EXOC6B: variants seen among roughly 807,000 people sequenced by gnomAD.
EXOC6B encodes exocyst complex component 6B, also known as SEC15 homolog B.
A neutral mutation model predicts 113.5 loss-of-function variants in EXOC6B; 54 were observed. That is an observed-to-expected ratio of 0.48 (90% CI 0.38 to 0.60). The LOEUF (loss-of-function observed/expected upper bound fraction) is 0.60, where lower values mean the gene tolerates loss of function less well. Ranked by LOEUF, EXOC6B falls within the 20% of genes least tolerant of loss-of-function variation. The probability of loss-of-function intolerance (pLI) is 0.00; values close to 1 mark genes in which losing one functional copy is unlikely to be tolerated. For synonymous variants in EXOC6B, 357 were observed against 339.0 expected (o/e 1.05, Z -0.58); for missense variants, 797 against 977.5 (o/e 0.82, Z 2.46).
intron 20 of EXOC6B, among the ~76,000 whole-genome samples, chr2:72,229,414 T>C (rs72835275): frequency 0.07 from 10,720 of 152,240 alleles, 494 homozygotes; most frequent in Non-Finnish European, 0.1. Flanking sequence ...AGCAGGGTCA[T>C]GTTACCATTT....
chr2:72,627,570 T>A (rs1672136517), intron 6 of EXOC6B, among the ~76,000 whole-genome samples: 3 of 152,194 alleles, frequency 2.0e-5, no homozygotes, highest in Admixed American at 2.0e-4. Flanking sequence ...ATAAAGTTAA[T>A]AATAAAAGTT....
intron 1 of EXOC6B, among the ~76,000 whole-genome samples, chr2:72,781,233 G>T (rs1279695647): frequency 1.3e-5 from 2 of 152,032 alleles, no homozygotes; most frequent in Non-Finnish European, 2.9e-5. Flanking sequence ...TCTACACAAG[G>T]TTTTCTCCTC....
chr2:72,377,890 C>G (rs1691449725), intron 19 of EXOC6B, among the ~76,000 whole-genome samples: 1 of 151,734 alleles, frequency 6.6e-6, no homozygotes, highest in Non-Finnish European at 1.5e-5. Flanking sequence ...TATATATTAA[C>G]TAGCTCAATT....
intron 18 of EXOC6B, among the ~76,000 whole-genome samples, chr2:72,460,614 C>T (rs1334565889): frequency 1.3e-5 from 2 of 152,134 alleles, no homozygotes; most frequent in African/African-American, 2.4e-5. Context: ...AAAATGCTCA[C>T]CATCACTGGT....
chr2:72,403,143 A>T (rs1192368611), intron 18 of EXOC6B, among the ~76,000 whole-genome samples: 2 of 152,178 alleles, frequency 1.3e-5, no homozygotes, highest in Non-Finnish European at 2.9e-5. Flanking sequence ...AGTGTATTGC[A>T]CTTAGCATGC....
chr2:72,549,277 T>C (rs1237673068), intron 8 of EXOC6B, among the ~76,000 whole-genome samples: 4 of 152,084 alleles, frequency 2.6e-5, no homozygotes, highest in Non-Finnish European at 5.9e-5. Context: ...ATATATCAGA[T>C]TTGTATGTTG....
intron 20 of EXOC6B, among the ~76,000 whole-genome samples, chr2:72,309,224 A>G (rs1687057999): frequency 1.3e-5 from 2 of 152,158 alleles, no homozygotes; most frequent in African/African-American, 4.8e-5. Flanking sequence ...GAAGAAACAG[A>G]TGAGAAGTAG....
At chr2:72,200,883 G>C (rs1679452093) in intron 20 of EXOC6B, among the ~76,000 whole-genome samples, 1 of 152,058 alleles carries the variant, frequency 6.6e-6, no homozygotes, top group Admixed American at 6.6e-5. Flanking sequence ...GTGAACAAAT[G>C]TTAATGATTT....
intron 18 of EXOC6B, among the ~76,000 whole-genome samples, chr2:72,454,203 C>G (rs1372896343): frequency 3.9e-5 from 6 of 152,100 alleles, no homozygotes; most frequent in Admixed American, 2.0e-4. Context: ...AACATATTCT[C>G]ACTGGAATCT....
chr2:72,495,380 T>C (rs200787488), intron 15 of EXOC6B, 50 bp downstream of exon 15: 91 of 997,686 alleles, frequency 9.1e-5, no homozygotes, highest in Non-Finnish European at 1.2e-4. Flanking sequence ...TGTAAATACA[T>C]GGAGTCACAA....
chr2:72,688,471 G>A (rs1339749098), intron 6 of EXOC6B, among the ~76,000 whole-genome samples: 3 of 152,056 alleles, frequency 2.0e-5, no homozygotes, highest in Non-Finnish European at 2.9e-5. Flanking sequence ...CTTCCTGGTG[G>A]GCAAGGAAGC....
intron 2 of EXOC6B, among the ~76,000 whole-genome samples, chr2:72,739,141 C>A (rs867730852): frequency 6.6e-6 from 1 of 152,134 alleles, no homozygotes; most frequent in Admixed American, 6.5e-5. Context: ...ACCACAATTT[C>A]TTTTAGTAAT....
At chr2:72,723,785 A>G (rs1446386986) in intron 5 of EXOC6B, among the ~76,000 whole-genome samples, 1 of 152,094 alleles carries the variant, frequency 6.6e-6, no homozygotes, top group East Asian at 1.9e-4. Context: ...AAGCCTAACA[A>G]GGAACAGACA....
intron 6 of EXOC6B, among the ~76,000 whole-genome samples, chr2:72,711,025 A>G (rs1189681596): frequency 2.0e-5 from 3 of 152,256 alleles, no homozygotes; most frequent in Non-Finnish European, 2.9e-5. Context: ...TTACATTACA[A>G]ATGTTATTTA....
intron 20 of EXOC6B, among the ~76,000 whole-genome samples, chr2:72,287,152 C>T (rs772530892): frequency 5.3e-5 from 8 of 151,834 alleles, no homozygotes; most frequent in Non-Finnish European, 7.4e-5. Flanking sequence ...AAATGTAGGC[C>T]GGGCGCAGTG....
chr2:72,476,956 A>AACTTGT (rs1698785142), intron 17 of EXOC6B, among the ~76,000 whole-genome samples: 1 of 152,110 alleles, frequency 6.6e-6, no homozygotes, highest in African/African-American at 2.4e-5. Context: ...GATCCATTCC[A>AACTTGT]ACTTGTACTT....
rs567889534 is a variant in EXOC6B, at chr2:72,478,569, C to G, written c.1800+2047G>C. 4.6e-5 allele frequency among the ~76,000 whole-genome samples: 7 copies of G among 152,310 alleles called. No homozygotes were observed. The South Asian group carries it at 8.3e-4, about 18-fold the overall frequency. ...TTCCAATAAGCACTGTCAACATGAC[C>G]TTTAGTGGTCTCCAGAACTTCTCCT... On this transcript the variant is annotated intron_variant, in intron 17 of 21. Transcript: ENST00000272427.
chr2:72,324,074 C>T (rs1687994174), intron 20 of EXOC6B, among the ~76,000 whole-genome samples: 1 of 150,952 alleles, frequency 6.6e-6, no homozygotes, highest in African/African-American at 2.4e-5. Context: ...AAAAAAAGAC[C>T]AGAAAGAGCC....
intron 8 of EXOC6B, among the ~76,000 whole-genome samples, chr2:72,557,826 G>T (rs1214964115): frequency 1.3e-5 from 2 of 151,894 alleles, no homozygotes; most frequent in African/African-American, 4.8e-5. Context: ...AAAAAGAATT[G>T]TACATATATC....
Sources: allele counts gnomAD v4.1 joint callset (sites outside exome capture counted in the v4.1 genomes callset), GRCh38; gene constraint gnomAD v4.1.1; transcripts MANE v1.5; gene names NCBI Gene and HGNC (gene_info 2026-07-23, HGNC 2026-07-21).